NAPG: variants seen among roughly 807,000 people sequenced by gnomAD.
NAPG encodes gamma-soluble NSF attachment protein.
In NAPG, 25 loss-of-function variants were observed where a neutral mutation model predicts 48.4. That is an observed-to-expected ratio of 0.52 (90% CI 0.38 to 0.72). The LOEUF (loss-of-function observed/expected upper bound fraction) is 0.72. Ranked by LOEUF, NAPG falls within the 30% of genes least tolerant of loss-of-function variation. NAPG has a pLI of 0.00. For synonymous variants in NAPG, 139 were observed against 127.2 expected (o/e 1.09, Z -0.62); for missense variants, 359 against 372.5 (o/e 0.96, Z 0.30).
At chr18:10,545,414 C>T (rs2032242275) in intron 8 of NAPG, among the ~76,000 whole-genome samples, 1 of 152,224 alleles carries the variant, frequency 6.6e-6, no homozygotes. Context: ...CCCTTTGAAT[C>T]CCGATAGTAC....
intron 9 of NAPG, among the ~76,000 whole-genome samples, chr18:10,547,045 G>A (rs2143145375): frequency 6.6e-6 from 1 of 152,330 alleles, no homozygotes; most frequent in Non-Finnish European, 1.5e-5. Flanking sequence ...GAGTGTGGAT[G>A]TGGCCCACAC....
At chr18:10,535,666 C>T (rs778163224) in intron 5 of NAPG, among the ~76,000 whole-genome samples, 13 of 152,162 alleles carry the variant, frequency 8.5e-5, no homozygotes, top group Non-Finnish European at 1.8e-4. Context: ...GAGGCTGAGG[C>T]AGGAGAATTG....
rs2032183991 is a variant in NAPG, at chr18:10,542,861, A to G, written c.506+2462A>G. 1.3e-5 allele frequency among the ~76,000 whole-genome samples: 2 copies of G among 152,170 alleles called. No homozygotes were observed. The highest frequency in any genetic ancestry group is 2.9e-5 in the Non-Finnish European group (2 of 68,026). ...GATTACATCTGGGAAAAGTCAGTCCAAGGCCAGTGCCCTTGTTCCTTTTTA... is the reference window on the plus strand; with the variant it reads ...GATTACATCTGGGAAAAGTCAGTCCGAGGCCAGTGCCCTTGTTCCTTTTTA... On this transcript the variant is annotated intron_variant, in intron 8 of 11. Coordinates refer to ENST00000322897, the MANE Select transcript of NAPG (RefSeq NM_003826.3). This position sits in a 1 kb window ranked among gnomAD's most constrained non-coding sequence, Gnocchi z 4.5.
chr18:10,549,147 G>A (rs1216495701), intron 11 of NAPG, 51 bp downstream of exon 11: 11 of 1,549,440 alleles, frequency 7.1e-6, no homozygotes, highest in African/African-American at 1.4e-5. Context: ...AAAGAAAGAG[G>A]TTTCTAGTGA....
In NAPG at chr18:10,526,222, T is replaced by A. The variant is rs1402640538; in HGVS notation, c.56+64T>A. 184 of 997,036 alleles carry A rather than the reference T, an allele frequency of 1.8e-4. 2 individuals carry two copies. Among genetic ancestry groups the A allele is most frequent in the Middle Eastern group, 6.2e-4 (2 of 3,234 alleles). 61.8% of individuals were successfully genotyped at this position (997,036 alleles called of 1,614,324 possible). A position where few individuals can be genotyped will look rare whatever the true frequency, so the allele number is the denominator to read the frequency against. On this transcript the variant is annotated intron_variant, in intron 1 of 11. Coordinates refer to ENST00000322897, the MANE Select transcript of NAPG (RefSeq NM_003826.3). ...GGGTCCGTCTCTCACTGGCGCGGCCTTAGCACCCGGGGGGGGCGGGAGGGA... is the reference window on the plus strand; with the variant it reads ...GGGTCCGTCTCTCACTGGCGCGGCCATAGCACCCGGGGGGGGCGGGAGGGA...
rs1165108304 is a variant in NAPG, at chr18:10,534,420, C to G, written c.228-46C>G. On this transcript the variant is annotated intron_variant, in intron 4 of 11. Transcript: ENST00000322897. This position sits in a 1 kb window ranked among gnomAD's most constrained non-coding sequence, Gnocchi z 5.0. The stretch of plus-strand genomic sequence containing the variant: ...CCTCACCAGAAAGTTTCTTCTACCC[C>G]TTATTTCGTTAAGATCTCATCAGAG... 1 of 1,591,802 alleles carries G rather than the reference C, an allele frequency of 6.3e-7. No individual in the cohort carries two copies. Among genetic ancestry groups the G allele is most frequent in the East Asian group, 2.2e-5 (1 of 44,660 alleles).
rs914447786 is a variant in NAPG, at chr18:10,526,359, G to C, written c.56+201G>C. 5.3e-6 allele frequency: 3 copies of C among 568,264 alleles called. No individual in the cohort carries two copies. The African/African-American group carries it at 5.9e-5, about 11-fold the overall frequency. The allele number at this position is 568,264 out of a possible 1,614,324, so 35.2% of individuals were successfully genotyped here. ...GGTCAGCTCTGCGGCGCCTCGGGAAGCGCCGTGGGTCCACCCCGCCGGAAG... is the reference window on the plus strand; with the variant it reads ...GGTCAGCTCTGCGGCGCCTCGGGAACCGCCGTGGGTCCACCCCGCCGGAAG... On this transcript the variant is annotated intron_variant, in intron 1 of 11. Coordinates refer to ENST00000322897, the MANE Select transcript of NAPG (RefSeq NM_003826.3).
chr18:10,529,849 C>A (rs536534892), intron 1 of NAPG, among the ~76,000 whole-genome samples: 1 of 152,298 alleles, frequency 6.6e-6, no homozygotes, highest in South Asian at 2.1e-4. Flanking sequence ...CCTCATCTTT[C>A]AGTTAAGATA....
In NAPG at chr18:10,552,209, T is replaced by C. The variant is rs2032412778; in HGVS notation, c.*1989T>C. The C allele has an allele frequency of 6.6e-6, 1 of 152,240 alleles. No individual in the cohort carries two copies. The highest frequency in any genetic ancestry group is 2.1e-4 in the South Asian group (1 of 4,834). 9.4% of individuals were successfully genotyped at this position (152,240 alleles called of 1,614,324 possible). On this transcript the variant is annotated 3_prime_UTR_variant, in exon 12 of 12. Transcript: ENST00000322897. ...TGAAAACTTTTTTTAAAAAAGGTGATGATGAAGTGCATTCTGTAGCAGCAG... is the reference window on the plus strand; with the variant it reads ...TGAAAACTTTTTTTAAAAAAGGTGACGATGAAGTGCATTCTGTAGCAGCAG...
chr18:10,543,495 C>T lies in NAPG; in HGVS notation c.507-2831C>T, dbSNP rs569432143. ...TTATCAGTGATGATAATAAACTTAGCTGGGAATATGACACATAAACTAAAC... is the reference window on the plus strand; with the variant it reads ...TTATCAGTGATGATAATAAACTTAGTTGGGAATATGACACATAAACTAAAC... On this transcript the variant is annotated intron_variant, in intron 8 of 11. Transcript: ENST00000322897. The surrounding 1 kb of genome is among the most constrained non-coding windows in gnomAD (Gnocchi z 4.4). Among the ~76,000 whole-genome samples the T allele has an allele frequency of 6.6e-6, 1 of 152,212 alleles. No homozygotes were observed. The highest frequency in any genetic ancestry group is 2.1e-4 in the South Asian group (1 of 4,824).
rs572764489 is a variant in NAPG, at chr18:10,548,657, GA to G, written c.665+285del. On this transcript the variant is annotated intron_variant, in intron 10 of 11. Coordinates refer to ENST00000322897, the MANE Select transcript of NAPG (RefSeq NM_003826.3). This position sits in a 1 kb window ranked among gnomAD's most constrained non-coding sequence, Gnocchi z 4.4. ...AGAAAAAAAGAACAAGAAAAAGGGG[GA>G]AAAAATTATCAGATTTATGTTACAG... Among the ~76,000 whole-genome samples the G allele has an allele frequency of 2.1e-4, 32 of 151,442 alleles. 1 individual carries two copies. Among genetic ancestry groups the G allele is most frequent in the Admixed American group, 1.1e-3 (16 of 15,214 alleles).
chr18:10,536,159 A>C (rs2032028429), intron 5 of NAPG, among the ~76,000 whole-genome samples: 1 of 152,208 alleles, frequency 6.6e-6, no homozygotes, highest in Non-Finnish European at 1.5e-5. Context: ...CCATTGCTCA[A>C]GTATCTATTT....
At chr18:10,530,739 ACTCCTG>A (rs2031912264) in intron 1 of NAPG, 25 bp from the exon 2 acceptor site, 6 of 1,446,884 alleles carry the variant, frequency 4.1e-6, no homozygotes, top group Non-Finnish European at 4.6e-6. Context: ...GTGGTTGGTA[ACTCCTG>A]TTAACTGTGT....
chr18:10,541,142 A>G (rs1232160868), intron 8 of NAPG, among the ~76,000 whole-genome samples: 1 of 152,234 alleles, frequency 6.6e-6, no homozygotes, highest in Non-Finnish European at 1.5e-5. Context: ...TTCTTCATGA[A>G]GACTGCAGAT....
rs1289022452 is a variant in NAPG, at chr18:10,532,836, T to C, written c.209+41T>C. On this transcript the variant is annotated intron_variant, in intron 3 of 11. Transcript: ENST00000322897. Reference sequence around the variant, plus strand: ...TTTAAAAAGAAATTAAACAATTAGATGATTTTGACAAGCTGTTTTCTCTTG... The same window carrying C: ...TTTAAAAAGAAATTAAACAATTAGACGATTTTGACAAGCTGTTTTCTCTTG... The C allele has an allele frequency of 4.1e-6, 6 of 1,471,526 alleles. No homozygotes were observed. The Admixed American group carries it at 1.1e-4, about 26-fold the overall frequency. 91.2% of individuals were successfully genotyped at this position (1,471,526 alleles called of 1,614,324 possible).
Position 10,543,155 on chromosome 18 carries a change from A to G in NAPG, c.506+2756A>G, listed in dbSNP as rs2032191302. Among the ~76,000 whole-genome samples, 1 of 151,852 alleles carries G rather than the reference A, an allele frequency of 6.6e-6. No individual in the cohort carries two copies. Among genetic ancestry groups the G allele is most frequent in the African/African-American group, 2.4e-5 (1 of 41,388 alleles). Reference sequence around the variant, plus strand: ...CATCTCAAAAAAAAAAAAAAAGAAAAGAAAAGAAAAAAAGACCTTTCCAGC... The same window carrying G: ...CATCTCAAAAAAAAAAAAAAAGAAAGGAAAAGAAAAAAAGACCTTTCCAGC... On this transcript the variant is annotated intron_variant, in intron 8 of 11. Transcript: ENST00000322897. This position sits in a 1 kb window ranked among gnomAD's most constrained non-coding sequence, Gnocchi z 4.4.
In NAPG at chr18:10,533,551, CAAGT is replaced by C; in HGVS notation, c.227+4_227+7del. 1 of 1,596,654 alleles carries C rather than the reference CAAGT, an allele frequency of 6.3e-7. No individual in the cohort carries two copies. The highest frequency in any genetic ancestry group is 8.5e-7 in the Non-Finnish European group (1 of 1,172,688). On this transcript the variant is annotated splice_donor_variant and coding_sequence_variant, in exon 4 of 12. Coordinates refer to ENST00000322897, the MANE Select transcript of NAPG (RefSeq NM_003826.3). LOFTEE classifies it high-confidence loss of function. Reference sequence around the variant, plus strand: ...TTCCATTCAGTCTTTTTCATGCTGCCAAGTAAGTATTCTTCATGTTTTCATGTAT... The same window carrying C: ...TTCCATTCAGTCTTTTTCATGCTGCCAAGTATTCTTCATGTTTTCATGTAT...
chr18:10,540,439 T>C, intron 8 of NAPG, 40 bp downstream of exon 8: 2 of 1,540,486 alleles, frequency 1.3e-6, no homozygotes, highest in Non-Finnish European at 1.8e-6. Flanking sequence ...TTAACTATAC[T>C]TTGAATCCAC....
chr18:10,537,612 A>G (rs575710986), intron 5 of NAPG, among the ~76,000 whole-genome samples: 1 of 152,360 alleles, frequency 6.6e-6, no homozygotes, highest in African/African-American at 2.4e-5. Flanking sequence ...ATTCTTTAAA[A>G]GCCAAAATGA....
Sources: allele counts gnomAD v4.1 joint callset (sites outside exome capture counted in the v4.1 genomes callset), GRCh38; gene constraint gnomAD v4.1.1; non-coding constraint Gnocchi (gnomAD v3.1); transcripts MANE v1.5; gene names NCBI Gene and HGNC (gene_info 2026-07-23, HGNC 2026-07-21).